DPP6: variants seen among roughly 807,000 people sequenced by gnomAD.
DPP6 encodes the protein A-type potassium channel modulatory protein DPP6.
A neutral mutation model predicts 122.6 loss-of-function variants in DPP6; 69 were observed. That is an observed-to-expected ratio of 0.56 (90% CI 0.46 to 0.69). The LOEUF is 0.69. Among genes scored for constraint, DPP6 ranks in the 30% least tolerant of loss-of-function variants. The pLI, the probability that DPP6 is intolerant of heterozygous loss-of-function variation, is 0.00. For synonymous variants in DPP6, 418 were observed against 433.1 expected, an observed-to-expected ratio of 0.97 and a Z score of 0.43; for missense variants, 928 against 1,116.9, an observed-to-expected ratio of 0.83 and a Z score of 2.41.
chr7:154,138,670 A>T (rs1228701813), intron 1 of DPP6, among the ~76,000 whole-genome samples: 2 of 151,774 alleles, frequency 1.3e-5, no homozygotes, highest in African/African-American at 4.9e-5. Context: ...TCCTAGGTGA[A>T]ATAACAAAGG....
chr7:154,557,269 C>A lies in DPP6; in HGVS notation c.553-9573C>A, dbSNP rs116411794. 3.3e-3 allele frequency among the ~76,000 whole-genome samples: 510 copies of A among 152,288 alleles called. 2 individuals carry two copies. Among genetic ancestry groups the A allele is most frequent in the African/African-American group, 0.011 (470 of 41,556 alleles). On this transcript the variant is annotated intron_variant, in intron 4 of 25. Transcript: ENST00000377770. ...TGCCTGGAATCACACCTAACCATGG[C>A]AGTGGTGAGTTTCTCAAAGAGAAAA...
intron 1 of DPP6, among the ~76,000 whole-genome samples, chr7:154,284,519 T>C (rs1213456846): frequency 6.6e-6 from 1 of 152,156 alleles, no homozygotes; most frequent in Non-Finnish European, 1.5e-5. Flanking sequence ...TAAAAAGAAA[T>C]GAAGTTCTGA....
chr7:154,704,649 C>T (rs36016763), intron 7 of DPP6, among the ~76,000 whole-genome samples: 3,990 of 152,328 alleles, frequency 0.026, 63 homozygotes, highest in Non-Finnish European at 0.04. Flanking sequence ...AGCAAAAAGA[C>T]GATGACTCAC....
At chr7:154,312,545 G>A (rs1000166648) in intron 1 of DPP6, among the ~76,000 whole-genome samples, 7 of 152,180 alleles carry the variant, frequency 4.6e-5, no homozygotes, top group Non-Finnish European at 7.3e-5. Flanking sequence ...AGACTCAAGC[G>A]TCACCTCGAG....
At chr7:153,973,154 A>AT (rs1796110396) in intron 1 of DPP6, among the ~76,000 whole-genome samples, 1 of 151,976 alleles carries the variant, frequency 6.6e-6, no homozygotes. Context: ...AGAAAAAAAA[A>AT]CTACAATAAA....
chr7:154,759,795 G>A (rs1288097304), intron 8 of DPP6, among the ~76,000 whole-genome samples: 1 of 152,182 alleles, frequency 6.6e-6, no homozygotes, highest in Non-Finnish European at 1.5e-5. Flanking sequence ...TGCACTAGAT[G>A]CCAATACGGT....
Position 154,289,215 on chromosome 7 carries a change from T to A in DPP6, c.244-156999T>A, listed in dbSNP as rs146603810. On this transcript the variant is annotated intron_variant, in intron 1 of 25. Transcript: ENST00000377770. Reference sequence around the variant, plus strand: ...CTAGGTTGAAAATAAAAAGCAGTCATCAACTATGATGGAAAAATATTTCCG... The same window carrying A: ...CTAGGTTGAAAATAAAAAGCAGTCAACAACTATGATGGAAAAATATTTCCG... 4.6e-5 allele frequency among the ~76,000 whole-genome samples: 7 copies of A among 152,302 alleles called. No individual in the cohort carries two copies. The East Asian group carries it at 1.3e-3, about 29-fold the overall frequency.
chr7:154,638,862 GTTCC>G (rs1835890941), intron 6 of DPP6, among the ~76,000 whole-genome samples: 1 of 151,966 alleles, frequency 6.6e-6, no homozygotes, highest in South Asian at 2.1e-4. Context: ...TGGCCTTCCT[GTTCC>G]CCACCTCATG....
At chr7:154,572,673 C>A (rs1371364474) in intron 5 of DPP6, among the ~76,000 whole-genome samples, 1 of 143,188 alleles carries the variant, frequency 7.0e-6, no homozygotes, top group East Asian at 2.2e-4. Context: ...CCCGCCACCA[C>A]ACATGGCTAA....
At chr7:154,402,769 G>GA (rs938142106) in intron 1 of DPP6, among the ~76,000 whole-genome samples, 1 of 149,340 alleles carries the variant, frequency 6.7e-6, no homozygotes, top group African/African-American at 2.5e-5. Flanking sequence ...TTAAAAAAAA[G>GA]AAAAAAATAA....
At chr7:154,005,982 G>C (rs1351719879) in intron 1 of DPP6, among the ~76,000 whole-genome samples, 1 of 152,104 alleles carries the variant, frequency 6.6e-6, no homozygotes, top group African/African-American at 2.4e-5. Flanking sequence ...AATGGGGTCA[G>C]GCGGGCTGAA....
At chr7:153,822,064 T>C in the DPP6 span, among the ~76,000 whole-genome samples, 1 of 152,084 alleles carries the variant, frequency 6.6e-6, no homozygotes, top group Non-Finnish European at 1.5e-5. Context: ...GGTTGGCTTA[T>C]GCCCAAGTTA....
At chr7:154,272,371 T>C (rs140132932) in intron 1 of DPP6, among the ~76,000 whole-genome samples, 83 of 152,356 alleles carry the variant, frequency 5.4e-4, no homozygotes, top group Middle Eastern at 3.4e-3. Flanking sequence ...GCTGTGGATT[T>C]AGTTTCATAG....
chr7:154,093,295 C>CAT (rs1805012782), intron 1 of DPP6, among the ~76,000 whole-genome samples: 1 of 145,676 alleles, frequency 6.9e-6, no homozygotes, highest in Non-Finnish European at 1.5e-5. Context: ...CATACACACA[C>CAT]ATCAAATACC....
At chr7:154,430,141 C>G (rs118009911) in intron 1 of DPP6, among the ~76,000 whole-genome samples, 2 of 152,116 alleles carry the variant, frequency 1.3e-5, no homozygotes, top group African/African-American at 4.8e-5. Flanking sequence ...GGCTCCTCGA[C>G]GGCCTTAGAT....
intron 1 of DPP6, among the ~76,000 whole-genome samples, chr7:154,161,277 A>C (rs1463924550): frequency 6.6e-6 from 1 of 152,262 alleles, no homozygotes; most frequent in African/African-American, 2.4e-5. Flanking sequence ...CAGGTGGATC[A>C]CGTGAGGTCA....
chr7:154,744,728 A>G (rs1842962339), intron 8 of DPP6, among the ~76,000 whole-genome samples: 2 of 152,228 alleles, frequency 1.3e-5, no homozygotes, highest in African/African-American at 2.4e-5. Context: ...GATTTTCTGT[A>G]TTTAGAATGA....
At chr7:154,721,781 G>A (rs1586956460) in intron 7 of DPP6, among the ~76,000 whole-genome samples, 1 of 152,272 alleles carries the variant, frequency 6.6e-6, no homozygotes, top group East Asian at 1.9e-4. Flanking sequence ...AACAGCAACA[G>A]ATGTGACTGA....
chr7:154,297,679 G>A (rs1805633371), intron 1 of DPP6, among the ~76,000 whole-genome samples: 1 of 152,162 alleles, frequency 6.6e-6, no homozygotes, highest in Non-Finnish European at 1.5e-5. Context: ...TCTCTTTCTT[G>A]TAAATACAGT....
Sources: allele counts gnomAD v4.1 joint callset (sites outside exome capture counted in the v4.1 genomes callset), GRCh38; gene constraint gnomAD v4.1.1; transcripts MANE v1.5; gene names NCBI Gene and HGNC (gene_info 2026-07-23, HGNC 2026-07-21).